Variants in CNTNAP2 observed in about 807,000 individuals in gnomAD.
CNTNAP2 encodes the protein contactin associated protein 2, also known as contactin-associated protein-like 2.
CNTNAP2 carries 98 observed loss-of-function variants against 155.2 expected under a neutral mutation model. The observed-to-expected ratio is 0.63, with a 90% CI of 0.54 to 0.75. The LOEUF (loss-of-function observed/expected upper bound fraction) is 0.75. Ranked by LOEUF, CNTNAP2 falls within the 30% of genes least tolerant of loss-of-function variation. CNTNAP2 has a pLI of 0.00. For synonymous variants in CNTNAP2, 651 were observed against 631.2 expected, an observed-to-expected ratio of 1.03 and a Z score of -0.47; for missense variants, 1,727 against 1,688.1, an observed-to-expected ratio of 1.02 and a Z score of -0.40.
intron 13 of CNTNAP2, among the ~76,000 whole-genome samples, chr7:147,861,005 C>CT (rs35236083): frequency 3.9e-5 from 6 of 152,154 alleles, no homozygotes; most frequent in Admixed American, 1.3e-4. Flanking sequence ...ACAATTACAG[C>CT]TTTTTTTCAC....
At chr7:147,168,046 A>AT (rs1438042648) in intron 8 of CNTNAP2, among the ~76,000 whole-genome samples, 3 of 148,912 alleles carry the variant, frequency 2.0e-5, no homozygotes, top group African/African-American at 7.3e-5. Context: ...ATATGTATAT[A>AT]TAAAATGTAT....
chr7:148,134,797 T>A (rs1804903345), intron 16 of CNTNAP2, among the ~76,000 whole-genome samples: 2 of 152,220 alleles, frequency 1.3e-5, no homozygotes, highest in African/African-American at 4.8e-5. Context: ...TTGTTTATCG[T>A]TGAATGATTT....
At chr7:147,882,305 G>A (rs1418111834) in intron 13 of CNTNAP2, among the ~76,000 whole-genome samples, 3 of 152,172 alleles carry the variant, frequency 2.0e-5, no homozygotes, top group Non-Finnish European at 4.4e-5. Flanking sequence ...TCCAATTTCA[G>A]TGATCACCTC....
intron 2 of CNTNAP2, among the ~76,000 whole-genome samples, chr7:146,837,857 C>G (rs559200927): frequency 6.6e-6 from 1 of 152,132 alleles, no homozygotes; most frequent in African/African-American, 2.4e-5. Flanking sequence ...AGGGATTCAA[C>G]AAGGTCTCTC....
At chr7:146,604,841 T>G (rs1393150991) in intron 1 of CNTNAP2, among the ~76,000 whole-genome samples, 1 of 143,806 alleles carries the variant, frequency 7.0e-6, no homozygotes, top group Non-Finnish European at 1.5e-5. Flanking sequence ...ACCAAACACC[T>G]CATATTCTCA....
chr7:147,562,879 C>T (rs1202833238), intron 12 of CNTNAP2, among the ~76,000 whole-genome samples: 1 of 152,158 alleles, frequency 6.6e-6, no homozygotes, highest in African/African-American at 2.4e-5. Flanking sequence ...TTCCATCAGA[C>T]ACTTGGCAAT....
rs151055900 is a variant in CNTNAP2, at chr7:147,539,320, A to T, written c.1778-22818A>T. On this transcript the variant is annotated intron_variant, in intron 11 of 23. Coordinates refer to ENST00000361727, the MANE Select transcript of CNTNAP2 (RefSeq NM_014141.6). ...TTCATTCCTCACAAAACTCTATGAG[A>T]TACATTATAGTGCTATTCCCCTTCT... Among the ~76,000 whole-genome samples the T allele has an allele frequency of 7.2e-5, 11 of 152,254 alleles. No homozygotes were observed. The East Asian group carries it at 1.9e-3, about 27-fold the overall frequency.
intron 15 of CNTNAP2, among the ~76,000 whole-genome samples, chr7:148,090,165 T>C (rs564101466): frequency 2.0e-5 from 3 of 152,024 alleles, no homozygotes; most frequent in African/African-American, 7.2e-5. Flanking sequence ...GAACAAAACA[T>C]AGGGAAAATG....
chr7:147,688,417 C>T (rs140310761), intron 13 of CNTNAP2, among the ~76,000 whole-genome samples: 1 of 152,154 alleles, frequency 6.6e-6, no homozygotes, highest in East Asian at 1.9e-4. Flanking sequence ...CTTCACATTT[C>T]CACCCCTACT....
intron 3 of CNTNAP2, among the ~76,000 whole-genome samples, chr7:146,951,230 C>T (rs1797307139): frequency 6.6e-6 from 1 of 152,114 alleles, no homozygotes; most frequent in Admixed American, 6.5e-5. Flanking sequence ...GAATTTTTCT[C>T]CCATTCTACA....
chr7:146,126,298 T>C (rs757216619), intron 1 of CNTNAP2, among the ~76,000 whole-genome samples: 9 of 152,250 alleles, frequency 5.9e-5, no homozygotes, highest in African/African-American at 1.4e-4. Context: ...GTTTCTATCT[T>C]TTTGTTTACT....
intron 1 of CNTNAP2, among the ~76,000 whole-genome samples, chr7:146,246,689 C>T (rs1479979856): frequency 6.6e-6 from 1 of 151,898 alleles, no homozygotes; most frequent in Non-Finnish European, 1.5e-5. Context: ...GTCAGAGAGC[C>T]TTCGGCCAGA....
chr7:146,530,761 A>G (rs142864020), intron 1 of CNTNAP2, among the ~76,000 whole-genome samples: 41 of 152,366 alleles, frequency 2.7e-4, no homozygotes, highest in African/African-American at 9.9e-4. Context: ...GGGAATGCTT[A>G]TACACTGCTA....
At chr7:146,778,571 T>C (rs1331783797) in intron 2 of CNTNAP2, among the ~76,000 whole-genome samples, 1 of 152,218 alleles carries the variant, frequency 6.6e-6, no homozygotes, top group Admixed American at 6.5e-5. Context: ...TCTTGTGTCA[T>C]TCTGAGTTAG....
chr7:147,973,832 A>G (rs1801379378), intron 14 of CNTNAP2, among the ~76,000 whole-genome samples: 1 of 152,144 alleles, frequency 6.6e-6, no homozygotes, highest in African/African-American at 2.4e-5. Context: ...GCCACTGGTA[A>G]ACTTTGTCTA....
Position 146,978,462 on chromosome 7 carries a change from C to A in CNTNAP2, c.403-65445C>A, listed in dbSNP as rs1797954878. Among the ~76,000 whole-genome samples, 3 of 152,234 alleles carry A rather than the reference C, an allele frequency of 2.0e-5. No individual in the cohort carries two copies. In the South Asian group the frequency reaches 6.2e-4, roughly 32 times the overall value. On this transcript the variant is annotated intron_variant, in intron 3 of 23. Transcript: ENST00000361727. The stretch of plus-strand genomic sequence containing the variant: ...TTCCAGGAGTTGGAATAATGCTAAA[C>A]TACATGGTCTGTAAAGTTTCCTCTA...
intron 22 of CNTNAP2, among the ~76,000 whole-genome samples, chr7:148,396,896 T>C (rs1419027602): frequency 6.6e-6 from 1 of 152,220 alleles, no homozygotes; most frequent in East Asian, 1.9e-4. Flanking sequence ...GGTACAGTTA[T>C]TTTAAACATA....
chr7:146,394,364 T>A (rs897475833), intron 1 of CNTNAP2, among the ~76,000 whole-genome samples: 1 of 151,976 alleles, frequency 6.6e-6, no homozygotes, highest in South Asian at 2.1e-4. Context: ...GGCCTAAGAG[T>A]TTGCTAGCAG....
intron 1 of CNTNAP2, among the ~76,000 whole-genome samples, chr7:146,266,085 A>T (rs1391639645): frequency 1.3e-5 from 2 of 152,132 alleles, no homozygotes. Context: ...CCATAATCAC[A>T]TGACTTCAGC....
Sources: allele counts gnomAD v4.1 joint callset (sites outside exome capture counted in the v4.1 genomes callset), GRCh38; gene constraint gnomAD v4.1.1; transcripts MANE v1.5; gene names NCBI Gene and HGNC (gene_info 2026-07-23, HGNC 2026-07-21).